Variants in LOXL2 observed in about 807,000 individuals in gnomAD.
LOXL2 encodes the protein lysyl oxidase homolog 2.
LOXL2 carries 70 observed loss-of-function variants against 93.0 expected under a neutral mutation model. The ratio of observed to expected loss-of-function variants is 0.75; its 90% CI spans 0.62 to 0.92. The LOEUF (loss-of-function observed/expected upper bound fraction) is 0.92. Ranked by LOEUF, LOXL2 falls within the 40% of genes least tolerant of loss-of-function variation. LOXL2 has a pLI of 0.00. For missense variants in LOXL2, 973 were observed against 1,054.9 expected, an observed-to-expected ratio of 0.92 and a Z score of 1.08; for synonymous variants, 438 against 413.2, an observed-to-expected ratio of 1.06 and a Z score of -0.73.
chr8:23,314,564 A>G (rs1184090037), intron 9 of LOXL2, among the ~76,000 whole-genome samples: 2 of 147,476 alleles, frequency 1.4e-5, no homozygotes, highest in Non-Finnish European at 3.0e-5. Context: ...AACACCGCAT[A>G]TTCTCACTCA....
At chr8:23,376,116 G>A (rs946141259) in intron 1 of LOXL2, among the ~76,000 whole-genome samples, 16 of 149,838 alleles carry the variant, frequency 1.1e-4, no homozygotes, top group East Asian at 3.9e-4. Flanking sequence ...ACGTCTAATC[G>A]ATACCTAATT....
intron 3 of LOXL2, among the ~76,000 whole-genome samples, chr8:23,347,168 AACAC>A (rs60464587): frequency 0.048 from 6,750 of 141,756 alleles, 214 homozygotes; most frequent in Non-Finnish European, 0.07. Context: ...AACACACACA[AACAC>A]ACACACACAC....
intron 1 of LOXL2, among the ~76,000 whole-genome samples, chr8:23,382,119 T>C (rs1804688521): frequency 6.6e-6 from 1 of 152,134 alleles, no homozygotes; most frequent in Non-Finnish European, 1.5e-5. Context: ...GTTCTGAAAT[T>C]ATAGTTCGGT....
intron 1 of LOXL2, among the ~76,000 whole-genome samples, chr8:23,370,387 T>C (rs773826664): frequency 2.6e-5 from 4 of 152,148 alleles, no homozygotes; most frequent in Non-Finnish European, 4.4e-5. Context: ...ATTGTTGTCA[T>C]GTCTGGCTCT....
chr8:23,371,433 G>C (rs1804490426), intron 1 of LOXL2, among the ~76,000 whole-genome samples: 1 of 152,114 alleles, frequency 6.6e-6, no homozygotes, highest in African/African-American at 2.4e-5. Flanking sequence ...TGTCCTGTGG[G>C]GTTTAAAATA....
rs551543823 is a variant in LOXL2 at position 23,338,517 on chromosome 8, T to C, written c.743+2475A>G. ...GCCTTGGTGGATACATGGAGATTAC[T>C]AACTCCACCCCAGACTGGGAATTAC... is the stretch of plus-strand genomic sequence containing the variant. On this transcript the variant is annotated intron_variant, in intron 4 of 13. Transcript: ENST00000389131. Among the ~76,000 whole-genome samples the C allele has an allele frequency of 2.6e-5, 4 of 152,280 alleles. No individual in the cohort carries two copies. The South Asian group carries it at 8.3e-4, about 32-fold the overall frequency.
chr8:23,310,477 CAT>C (rs1355739131), intron 9 of LOXL2, among the ~76,000 whole-genome samples: 1 of 152,210 alleles, frequency 6.6e-6, no homozygotes, highest in African/African-American at 2.4e-5. Flanking sequence ...TTCACATTGA[CAT>C]ATATCCATTA....
chr8:23,359,178 C>T (rs1223471451), intron 3 of LOXL2, among the ~76,000 whole-genome samples: 1 of 152,000 alleles, frequency 6.6e-6, no homozygotes, highest in Non-Finnish European at 1.5e-5. Context: ...AAAGTGATTC[C>T]AACCCTCAGC....
rs1187238132 is a variant in LOXL2, at chr8:23,298,885, G to C, written c.2196C>G (p.Cys732Trp). 2 of 1,614,008 alleles carry C rather than the reference G, an allele frequency of 1.2e-6. No homozygotes were observed. Among genetic ancestry groups the C allele is most frequent in the Non-Finnish European group, 1.7e-6 (2 of 1,179,914 alleles). The change falls in exon 13 of 14, where the codon TGC becomes TGG. Residue 732 changes from cysteine to tryptophan, a missense_variant. Coordinates refer to ENST00000389131, the MANE Select transcript of LOXL2 (RefSeq NM_002318.3). ...ESDYSNNIMKCRSRYDGHRIW... is the reference protein window; with the variant it reads ...ESDYSNNIMKWRSRYDGHRIW... Reference sequence around the variant, plus strand: ...TGCGGTGGCCGTCATAGCGGCTCCTGCATTTCATGATGTTGTTGGAGTAAT... The same window carrying C: ...TGCGGTGGCCGTCATAGCGGCTCCTCCATTTCATGATGTTGTTGGAGTAAT...
At chr8:23,332,189 CA>C (rs1420747045) in intron 5 of LOXL2, among the ~76,000 whole-genome samples, 43 of 149,022 alleles carry the variant, frequency 2.9e-4, no homozygotes, top group Middle Eastern at 3.5e-3. Flanking sequence ...CACACACACA[CA>C]CACCCCACAC....
intron 3 of LOXL2, among the ~76,000 whole-genome samples, chr8:23,357,285 G>A (rs970256782): frequency 6.6e-6 from 1 of 152,122 alleles, no homozygotes; most frequent in Admixed American, 6.5e-5. Flanking sequence ...GGCCAGGCTG[G>A]TCTTGAACTC....
chr8:23,321,952 C>CGGGCCA (rs1292328335), intron 7 of LOXL2, 178 bp downstream of exon 7: 71 of 660,026 alleles, frequency 1.1e-4, no homozygotes, highest in Middle Eastern at 8.6e-4. Flanking sequence ...GGCCTGCTGC[C>CGGGCCA]GGGCCAGGGC....
chr8:23,335,346 C>A (rs1320551626), intron 4 of LOXL2, among the ~76,000 whole-genome samples: 1 of 152,126 alleles, frequency 6.6e-6, no homozygotes, highest in African/African-American at 2.4e-5. Flanking sequence ...TATAGGCATG[C>A]GTCAGTGCCT....
chr8:23,371,827 G>A (rs968375564), intron 1 of LOXL2, among the ~76,000 whole-genome samples: 2 of 149,970 alleles, frequency 1.3e-5, no homozygotes, highest in Non-Finnish European at 3.0e-5. Flanking sequence ...GGCATTAAAT[G>A]GAGCTCAAGT....
intron 5 of LOXL2, 117 bp downstream of exon 5, chr8:23,333,284 T>TG (rs1306271991): frequency 3.3e-6 from 3 of 915,644 alleles, no homozygotes; most frequent in Non-Finnish European, 5.1e-6. Flanking sequence ...GCAGCCACAA[T>TG]GGTGATCTCC....
chr8:23,302,187 T>C (rs748299268), intron 11 of LOXL2, 24 bp from the exon 12 acceptor site: 1 of 1,612,118 alleles, frequency 6.2e-7, no homozygotes, highest in East Asian at 2.2e-5. Flanking sequence ...AGAGGAGAGC[T>C]CATCACCAGG....
intron 4 of LOXL2, among the ~76,000 whole-genome samples, chr8:23,334,206 T>G (rs1803752504): frequency 6.6e-6 from 1 of 152,118 alleles, no homozygotes; most frequent in South Asian, 2.1e-4. Flanking sequence ...GCCCAGCTAA[T>G]TTTTGTATTT....
intron 1 of LOXL2, among the ~76,000 whole-genome samples, chr8:23,371,849 C>T (rs924499707): frequency 7.0e-4 from 100 of 143,766 alleles, no homozygotes; most frequent in African/African-American, 2.2e-3. Flanking sequence ...GTTTGAGGTT[C>T]TTGTGTTGTC....
chr8:23,319,271 C>T (rs1485154954), intron 8 of LOXL2, among the ~76,000 whole-genome samples: 2 of 100,712 alleles, frequency 2.0e-5, no homozygotes, highest in Admixed American at 1.6e-4. Context: ...TGTTGCTGCT[C>T]TGTGATGGGG....
Sources: allele counts gnomAD v4.1 joint callset (sites outside exome capture counted in the v4.1 genomes callset), GRCh38; gene constraint gnomAD v4.1.1; transcripts MANE v1.5; gene names NCBI Gene and HGNC (gene_info 2026-07-23, HGNC 2026-07-21).